The following PYROXD1 variants were observed in gnomAD, a reference collection of about 807,000 sequenced individuals.
PYROXD1 encodes the protein pyridine nucleotide-disulphide oxidoreductase domain 1, also known as tRNA ligase complex-associated NAD(P)H dehydrogenase PYROXD1.
PYROXD1 carries 42 observed loss-of-function variants against 62.0 expected under a neutral mutation model. That is an observed-to-expected ratio of 0.68 (90% CI 0.53 to 0.88). PYROXD1 has a LOEUF of 0.88. Among genes scored for constraint, PYROXD1 ranks in the 40% least tolerant of loss-of-function variants. The probability of loss-of-function intolerance (pLI) is 0.00; values close to 1 mark genes in which losing one functional copy is unlikely to be tolerated. For synonymous variants in PYROXD1, 170 were observed against 206.4 expected (o/e 0.82, Z 1.51); for missense variants, 493 against 604.8 (o/e 0.82, Z 1.94).
chr12:21,456,386 T>G (rs1942597836), intron 7 of PYROXD1, among the ~76,000 whole-genome samples: 1 of 152,086 alleles, frequency 6.6e-6, no homozygotes, highest in Non-Finnish European at 1.5e-5. Flanking sequence ...TCCCAGACCA[T>G]CACAGGAAAT....
At chr12:21,458,281 C>G (rs543066104) in intron 7 of PYROXD1, among the ~76,000 whole-genome samples, 1 of 152,210 alleles carries the variant, frequency 6.6e-6, no homozygotes, top group Non-Finnish European at 1.5e-5. Context: ...GCAGCTTCCT[C>G]ACTTCTCTCA....
intron 10 of PYROXD1, 121 bp downstream of exon 10, chr12:21,462,983 C>CAGA (rs34595378): frequency 1.2e-6 from 1 of 835,170 alleles, no homozygotes; most frequent in African/African-American, 1.7e-5. Flanking sequence ...GAAGCTAGCA[C>CAGA]AGTTGTTATA....
At chr12:21,440,193 C>T (rs1364794337) in intron 1 of PYROXD1, among the ~76,000 whole-genome samples, 175 bp from the exon 2 acceptor site, 1 of 152,090 alleles carries the variant, frequency 6.6e-6, no homozygotes, top group Non-Finnish European at 1.5e-5. Flanking sequence ...TAATATTATT[C>T]ACCATTGCCC....
chr12:21,461,692 G>C (rs982112845), intron 8 of PYROXD1, among the ~76,000 whole-genome samples: 2 of 152,116 alleles, frequency 1.3e-5, no homozygotes, highest in South Asian at 2.1e-4. Context: ...GGAGTGTAAA[G>C]TATTACAAAA....
chr12:21,460,970 ACCCGG>A, intron 7 of PYROXD1, 50 bp from the exon 8 acceptor site: 1 of 1,079,192 alleles, frequency 9.3e-7, no homozygotes. Context: ...ATCATTAGTA[ACCCGG>A]GTTATTCTTT....
chr12:21,446,597 T>C (rs1591940358), intron 3 of PYROXD1, among the ~76,000 whole-genome samples: 2 of 151,748 alleles, frequency 1.3e-5, no homozygotes, highest in African/African-American at 4.8e-5. Context: ...TAGAAGGTGG[T>C]TATGATAGTC....
intron 10 of PYROXD1, chr12:21,467,206 G>T (rs1206538155): frequency 7.5e-6 from 2 of 268,252 alleles, no homozygotes; most frequent in Non-Finnish European, 1.4e-5. Context: ...TTTCTCACCT[G>T]GTATAGCTTA....
chr12:21,437,895 C>G, intron 1 of PYROXD1, 81 bp downstream of exon 1: 1 of 1,259,634 alleles, frequency 7.9e-7, no homozygotes, highest in South Asian at 1.4e-5. Flanking sequence ...CCACCCCCTC[C>G]CTTTTTCTTC....
intron 5 of PYROXD1, among the ~76,000 whole-genome samples, chr12:21,452,989 A>G (rs955025729): frequency 1.3e-5 from 2 of 152,032 alleles, no homozygotes; most frequent in African/African-American, 4.8e-5. Flanking sequence ...CCTGAGTACT[A>G]TGGGTAACAG....
chr12:21,445,371 G>C lies in PYROXD1; in HGVS notation c.190G>C (p.Asp64His), dbSNP rs776874666. 9 of 1,600,488 alleles carry C rather than the reference G, an allele frequency of 5.6e-6. No individual in the cohort carries two copies. Among genetic ancestry groups the C allele is most frequent in the Non-Finnish European group, 7.7e-6 (9 of 1,176,034 alleles). ...GATTTCTAAAATATTGGAAGAATTC[G>C]ATGTTGAAGAACAATCAAGTACCAT... ...KQISKILEEF[D>H]VEEQSSTMLG... Residue 64 changes from aspartate (D) to histidine (H), a missense_variant, in exon 3 of 12, where the codon GAT becomes CAT. Asp to His is a moderately conservative substitution (Grantham distance 81, BLOSUM62 -1). This residue lies in a region of PYROXD1 where 164 missense variants were observed against 158.2 expected (regional missense o/e 1.04). Transcript: ENST00000240651.
intron 2 of PYROXD1, among the ~76,000 whole-genome samples, chr12:21,443,008 G>T (rs1350209218): frequency 1.3e-5 from 2 of 151,906 alleles, no homozygotes; most frequent in African/African-American, 4.8e-5. Flanking sequence ...GTGAAGATTT[G>T]TCTATATTTG....
At chr12:21,443,504 G>A (rs1347115923) in intron 2 of PYROXD1, among the ~76,000 whole-genome samples, 5 of 152,140 alleles carry the variant, frequency 3.3e-5, no homozygotes, top group Admixed American at 3.3e-4. Flanking sequence ...TCATAGAAAA[G>A]TCATCTCCAA....
Position 21,437,803 on chromosome 12 carries a change from T to C in PYROXD1, c.73T>C (p.Cys25Arg). The C allele has an allele frequency of 6.2e-7, 1 of 1,612,690 alleles. No homozygotes were observed. The highest frequency in any genetic ancestry group is 1.1e-5 in the South Asian group (1 of 90,582). The part of the protein sequence containing the change: ...VVGGGIAGVT[C>R]AEQLATHFPS... ...CGGCGGCGGCATCGCGGGCGTCACT[T>C]GTGCGGAGCAGGTAGGGCGGTGCTC... The change falls in exon 1 of 12, where the codon TGT (cysteine) becomes CGT (arginine). Residue 25 changes from cysteine to arginine, a missense_variant. Physicochemically the swap from Cys to Arg is radical, Grantham distance 180. Coordinates refer to ENST00000240651, the MANE Select transcript of PYROXD1 (RefSeq NM_024854.5).
At chr12:21,451,422 A>G (rs1253321055) in intron 4 of PYROXD1, among the ~76,000 whole-genome samples, 1 of 151,566 alleles carries the variant, frequency 6.6e-6, no homozygotes, top group East Asian at 1.9e-4. Flanking sequence ...GCATCAATGT[A>G]TCTGTCTTAG....
At position 21,454,440 on chromosome 12, in the gene PYROXD1, A is replaced by G. The variant is rs115221908; in HGVS notation, c.489-692A>G. Among the ~76,000 whole-genome samples the G allele has an allele frequency of 2.5e-3, 375 of 152,096 alleles. 1 individual carries two copies. The highest frequency in any genetic ancestry group is 8.8e-3 in the African/African-American group (367 of 41,550). Reference sequence around the variant, plus strand: ...TAAATTATGTGATCACCTTAATTATAATGGACTTCAGGGACTTTGTGAAAG... The same window carrying G: ...TAAATTATGTGATCACCTTAATTATGATGGACTTCAGGGACTTTGTGAAAG... On this transcript the variant is annotated intron_variant, in intron 5 of 11. Transcript: ENST00000240651.
At chr12:21,468,315 T>C (rs960135352) in intron 11 of PYROXD1, among the ~76,000 whole-genome samples, 191 bp from the exon 12 acceptor site, 3 of 152,078 alleles carry the variant, frequency 2.0e-5, no homozygotes, top group African/African-American at 7.2e-5. Flanking sequence ...GTAGAGTGTG[T>C]GATAGTGTCA....
At chr12:21,466,390 G>T (rs1461072984) in intron 10 of PYROXD1, among the ~76,000 whole-genome samples, 1 of 151,660 alleles carries the variant, frequency 6.6e-6, no homozygotes, top group Non-Finnish European at 1.5e-5. Flanking sequence ...CACATCCCTT[G>T]TAAGTTGGAT....
At chr12:21,466,469 C>T (rs1292604982) in intron 10 of PYROXD1, among the ~76,000 whole-genome samples, 6 of 151,974 alleles carry the variant, frequency 3.9e-5, no homozygotes, top group Non-Finnish European at 8.8e-5. Flanking sequence ...CTCTGTTTGT[C>T]TGTTGTTGGT....
In PYROXD1 at chr12:21,468,703, T is replaced by C. The variant is rs1232697050; in HGVS notation, c.1452T>C (p.Tyr484=). 1.9e-6 allele frequency: 3 copies of C among 1,610,574 alleles called. No individual in the cohort carries two copies. The highest frequency in any genetic ancestry group is 1.3e-5 in the African/African-American group (1 of 74,808). The part of the protein sequence containing the change: ...LILNQMNLSS[Y]GEDLLDPNID... ...TAAACCAAATGAATCTTTCATCATA[T>C]GGAGAAGATCTGCTAGATCCAAATA... Residue 484 remains tyrosine, a synonymous_variant, in exon 12 of 12, where the codon TAT becomes TAC. Coordinates refer to ENST00000240651, the MANE Select transcript of PYROXD1 (RefSeq NM_024854.5).
Sources: allele counts gnomAD v4.1 joint callset (sites outside exome capture counted in the v4.1 genomes callset), GRCh38; gene constraint gnomAD v4.1.1; regional missense constraint gnomAD v4.1.1; transcripts MANE v1.5; gene names NCBI Gene and HGNC (gene_info 2026-07-23, HGNC 2026-07-21).